Variants in EGFR observed in about 807,000 individuals in gnomAD.
The protein encoded by EGFR is epidermal growth factor receptor.
Under a neutral mutation model 143.0 loss-of-function variants are expected in EGFR, and 58 were observed. The observed-to-expected ratio is 0.41, with a 90% CI of 0.33 to 0.50. The LOEUF (loss-of-function observed/expected upper bound fraction) is 0.50. Ranked by LOEUF, EGFR falls within the 20% of genes least tolerant of loss-of-function variation. The pLI is 0.39. For missense variants in EGFR, 1,307 were observed against 1,579.0 expected (o/e 0.83, Z 2.92); for synonymous variants, 613 against 594.4 (o/e 1.03, Z -0.45).
At chr7:55,195,060 G>T (rs954214256) in intron 22 of EGFR, among the ~76,000 whole-genome samples, 3 of 152,056 alleles carry the variant, frequency 2.0e-5, no homozygotes, top group African/African-American at 7.2e-5. Flanking sequence ...CCTCTCTCTC[G>T]CTGTTTGTTC....
chr7:55,187,077 G>A (rs532217447), intron 20 of EGFR, among the ~76,000 whole-genome samples: 1 of 152,296 alleles, frequency 6.6e-6, no homozygotes, highest in African/African-American at 2.4e-5. Context: ...GTGGGGAAGT[G>A]ACTCTGACTG....
intron 1 of EGFR, among the ~76,000 whole-genome samples, chr7:55,133,896 T>C (rs1371444050): frequency 3.9e-5 from 6 of 152,152 alleles, no homozygotes; most frequent in Admixed American, 3.3e-4. Flanking sequence ...TATTATTCAG[T>C]TCAAAAGTAT....
intron 20 of EGFR, among the ~76,000 whole-genome samples, chr7:55,190,886 C>G (rs17337296): frequency 0.018 from 2,800 of 152,278 alleles, 72 homozygotes; most frequent in African/African-American, 0.064. Flanking sequence ...AAGCCTGGGA[C>G]AGTTGGGCTC....
At chr7:55,055,794 G>A (rs1027919099) in intron 1 of EGFR, among the ~76,000 whole-genome samples, 3 of 151,756 alleles carry the variant, frequency 2.0e-5, no homozygotes, top group African/African-American at 4.8e-5. Context: ...GAACTCCTTC[G>A]AGTGTGAGTC....
In EGFR at chr7:55,027,456, C is replaced by T. The variant is rs1583857433; in HGVS notation, c.88+8091C>T. On this transcript the variant is annotated intron_variant, in intron 1 of 27. Transcript: ENST00000275493. Reference sequence around the variant, plus strand: ...AGTAGATGCTAAGGCATTAGAATTTCCTGCTTTATTTTTCTAAATGACCAT... The same window carrying T: ...AGTAGATGCTAAGGCATTAGAATTTTCTGCTTTATTTTTCTAAATGACCAT... Among the ~76,000 whole-genome samples, 3 of 152,164 alleles carry T rather than the reference C, an allele frequency of 2.0e-5. No individual in the cohort carries two copies. The South Asian group carries it at 6.2e-4, about 32-fold the overall frequency.
intron 20 of EGFR, among the ~76,000 whole-genome samples, chr7:55,190,873 C>T (rs1787364576): frequency 6.6e-6 from 1 of 152,194 alleles, no homozygotes; most frequent in Non-Finnish European, 1.5e-5. Flanking sequence ...CATTCTTAGG[C>T]CAAAGCCTGG....
intron 1 of EGFR, among the ~76,000 whole-genome samples, chr7:55,038,118 G>C (rs148632691): frequency 4.6e-5 from 7 of 152,300 alleles, no homozygotes; most frequent in African/African-American, 1.4e-4. Context: ...TAGGAAAGCG[G>C]GGGGGTGGAG....
intron 15 of EGFR, 82 bp downstream of exon 15, chr7:55,165,519 A>G (rs1440826617): frequency 9.1e-6 from 14 of 1,530,382 alleles, no homozygotes; most frequent in Middle Eastern, 2.2e-4. Context: ...TTTTCCGGCA[A>G]CAAATTGCCG....
chr7:55,131,779 C>T (rs1028496199), intron 1 of EGFR, among the ~76,000 whole-genome samples: 1 of 152,156 alleles, frequency 6.6e-6, no homozygotes, highest in Non-Finnish European at 1.5e-5. Flanking sequence ...GAGGTCCCTG[C>T]TGCTGACCCC....
At chr7:55,069,688 T>G (rs1789710781) in intron 1 of EGFR, among the ~76,000 whole-genome samples, 4 of 152,210 alleles carry the variant, frequency 2.6e-5, no homozygotes, top group African/African-American at 7.2e-5. Flanking sequence ...CAGGTCCCTT[T>G]GACAGTGTCA....
chr7:55,020,996 A>C (rs1039491066), intron 1 of EGFR, among the ~76,000 whole-genome samples: 1 of 152,076 alleles, frequency 6.6e-6, no homozygotes, highest in African/African-American at 2.4e-5. Flanking sequence ...AATGCTCTTC[A>C]TGTGATCTGT....
chr7:55,103,524 G>C (rs1234853215), intron 1 of EGFR, among the ~76,000 whole-genome samples: 1 of 152,172 alleles, frequency 6.6e-6, no homozygotes, highest in Non-Finnish European at 1.5e-5. Flanking sequence ...TAAGTGAAAA[G>C]CTGGCAGATT....
chr7:55,056,528 C>T (rs1377886648), intron 1 of EGFR, among the ~76,000 whole-genome samples: 1 of 152,190 alleles, frequency 6.6e-6, no homozygotes, highest in Non-Finnish European at 1.5e-5. Context: ...TGCATGGTGG[C>T]TTTGCCCTTT....
intron 1 of EGFR, among the ~76,000 whole-genome samples, chr7:55,126,977 A>C (rs1379756818): frequency 6.6e-6 from 1 of 152,184 alleles, no homozygotes; most frequent in Non-Finnish European, 1.5e-5. Context: ...ACTAAATAAT[A>C]AGGAATAGAC....
intron 1 of EGFR, among the ~76,000 whole-genome samples, chr7:55,061,618 G>GTC (rs1789178100): frequency 1.7e-5 from 2 of 120,822 alleles, no homozygotes; most frequent in Non-Finnish European, 1.8e-5. Flanking sequence ...AGGGATGTGT[G>GTC]TGTGTGTGTG....
At chr7:55,168,835 A>C (rs189248205) in intron 15 of EGFR, among the ~76,000 whole-genome samples, 1 of 152,006 alleles carries the variant, frequency 6.6e-6, no homozygotes, top group African/African-American at 2.4e-5. Flanking sequence ...GAGAGGGAAA[A>C]TTTTTTTAAT....
chr7:55,203,485 T>A (rs1406327263), intron 27 of EGFR, among the ~76,000 whole-genome samples: 1 of 129,982 alleles, frequency 7.7e-6, no homozygotes, highest in African/African-American at 3.1e-5. Flanking sequence ...CACACATACA[T>A]ACACACAGAC....
At chr7:55,083,292 A>G (rs1229361100) in intron 1 of EGFR, among the ~76,000 whole-genome samples, 1 of 152,254 alleles carries the variant, frequency 6.6e-6, no homozygotes, top group Non-Finnish European at 1.5e-5. Context: ...AGCCTGAAGC[A>G]TATGATCTCC....
At chr7:55,164,166 A>C (rs1032908558) in intron 14 of EGFR, among the ~76,000 whole-genome samples, 1 of 152,216 alleles carries the variant, frequency 6.6e-6, no homozygotes, top group African/African-American at 2.4e-5. Context: ...TCAAATTCTT[A>C]ACATTAGCTT....
Sources: allele counts gnomAD v4.1 joint callset (sites outside exome capture counted in the v4.1 genomes callset), GRCh38; gene constraint gnomAD v4.1.1; transcripts MANE v1.5; gene names NCBI Gene and HGNC (gene_info 2026-07-23, HGNC 2026-07-21).